FSTL5: variants seen among roughly 807,000 people sequenced by gnomAD.
FSTL5 encodes follistatin like 5.
FSTL5 carries 62 observed loss-of-function variants against 89.1 expected under a neutral mutation model. The ratio of observed to expected loss-of-function variants is 0.70; its 90% CI spans 0.57 to 0.86. The LOEUF (loss-of-function observed/expected upper bound fraction) is 0.86. Among genes scored for constraint, FSTL5 ranks in the 40% least tolerant of loss-of-function variants. The probability of loss-of-function intolerance (pLI) is 0.00; values close to 1 mark genes in which losing one functional copy is unlikely to be tolerated. For missense variants in FSTL5, 1,057 were observed against 1,001.6 expected (o/e 1.06, Z -0.75); for synonymous variants, 383 against 346.2 (o/e 1.11, Z -1.18).
At chr4:161,952,697 T>C (rs900124686) in intron 3 of FSTL5, among the ~76,000 whole-genome samples, 2 of 151,970 alleles carry the variant, frequency 1.3e-5, no homozygotes, top group South Asian at 4.1e-4. Flanking sequence ...AACAAATAGA[T>C]AAAGGATGCC....
intron 4 of FSTL5, among the ~76,000 whole-genome samples, chr4:161,891,692 T>A (rs148320773): frequency 3.9e-5 from 6 of 152,108 alleles, no homozygotes. Flanking sequence ...ATGATTGAAT[T>A]AGCAGTGGAT....
At chr4:161,947,748 G>A (rs1016546770) in intron 3 of FSTL5, among the ~76,000 whole-genome samples, 3 of 151,980 alleles carry the variant, frequency 2.0e-5, no homozygotes, top group African/African-American at 7.3e-5. Flanking sequence ...CATATTGAAA[G>A]CTCTACCAAA....
chr4:161,728,217 T>G (rs1300814274), intron 6 of FSTL5, among the ~76,000 whole-genome samples: 1 of 152,106 alleles, frequency 6.6e-6, no homozygotes, highest in African/African-American at 2.4e-5. Context: ...GGTTAGCAGC[T>G]TAAAGAACAG....
Position 162,157,270 on chromosome 4 carries a change from G to A in FSTL5, c.-17+6345C>T, listed in dbSNP as rs1223571586. 3.3e-5 allele frequency among the ~76,000 whole-genome samples: 5 copies of A among 151,924 alleles called. No individual in the cohort carries two copies. The East Asian group carries it at 9.6e-4, about 29-fold the overall frequency. ...ATTTTTAAATATTTATAAATTTTTA[G>A]ACCAAAGTAAATTGAAGGAGAATTT... is the stretch of plus-strand genomic sequence containing the variant. On this transcript the variant is annotated intron_variant, in intron 1 of 15. Transcript: ENST00000306100.
At position 161,903,283 on chromosome 4, in the gene FSTL5, C is replaced by A. The variant is rs114425537; in HGVS notation, c.409+17121G>T. ...TGTGACTGTCCCTGAGTGTTCTATT[C>A]AAATATAATTTTCATTTCCTTCTGG... On this transcript the variant is annotated intron_variant, in intron 4 of 15. Transcript: ENST00000306100. Among the ~76,000 whole-genome samples, 939 of 152,086 alleles carry A rather than the reference C, an allele frequency of 6.2e-3. 15 individuals carry two copies. The highest frequency in any genetic ancestry group is 0.022 in the African/African-American group (908 of 41,500).
intron 15 of FSTL5, among the ~76,000 whole-genome samples, chr4:161,419,019 C>T (rs997474222): frequency 2.0e-5 from 3 of 152,194 alleles, no homozygotes; most frequent in Non-Finnish European, 4.4e-5. Context: ...CTCATCATCT[C>T]ATGCATTATT....
intron 15 of FSTL5, among the ~76,000 whole-genome samples, chr4:161,448,241 A>T (rs189804485): frequency 6.6e-6 from 1 of 152,196 alleles, no homozygotes; most frequent in East Asian, 1.9e-4. Flanking sequence ...TCATCTACAA[A>T]ACATTTTTTG....
intron 13 of FSTL5, among the ~76,000 whole-genome samples, chr4:161,479,080 G>T (rs1729411075): frequency 6.6e-6 from 1 of 151,890 alleles, no homozygotes; most frequent in Admixed American, 6.6e-5. Context: ...TAATAACATG[G>T]TCATAAGGAG....
intron 7 of FSTL5, among the ~76,000 whole-genome samples, chr4:161,654,457 T>G (rs1206729346): frequency 6.6e-6 from 1 of 152,110 alleles, no homozygotes; most frequent in African/African-American, 2.4e-5. Context: ...CAAAGTATCT[T>G]AAATGCACCT....
intron 1 of FSTL5, among the ~76,000 whole-genome samples, chr4:162,143,226 T>C (rs551479825): frequency 6.6e-6 from 1 of 152,234 alleles, no homozygotes; most frequent in South Asian, 2.1e-4. Flanking sequence ...TTGTTTCTTG[T>C]AGAGATATTA....
At chr4:161,537,241 A>G (rs1276203391) in intron 10 of FSTL5, among the ~76,000 whole-genome samples, 1 of 152,110 alleles carries the variant, frequency 6.6e-6, no homozygotes, top group Non-Finnish European at 1.5e-5. Context: ...ATTCAGAAAA[A>G]TGGGCCTGTC....
intron 2 of FSTL5, among the ~76,000 whole-genome samples, chr4:162,102,593 T>C (rs1030668954): frequency 6.8e-6 from 1 of 146,384 alleles, no homozygotes; most frequent in Non-Finnish European, 1.5e-5. Flanking sequence ...AAAATAGATA[T>C]ATATTTAATA....
chr4:161,572,759 T>C (rs978711216), intron 8 of FSTL5, among the ~76,000 whole-genome samples: 1 of 152,168 alleles, frequency 6.6e-6, no homozygotes, highest in African/African-American at 2.4e-5. Context: ...AGAGAGAAGA[T>C]GTCTGCATCA....
intron 7 of FSTL5, among the ~76,000 whole-genome samples, chr4:161,623,718 G>T (rs187325147): frequency 3.2e-4 from 49 of 151,836 alleles, no homozygotes; most frequent in Middle Eastern, 3.4e-3. Flanking sequence ...TTTCTGGCAT[G>T]ATATGATACT....
intron 12 of FSTL5, among the ~76,000 whole-genome samples, chr4:161,484,184 T>C (rs1263068660): frequency 1.3e-5 from 2 of 152,292 alleles, no homozygotes; most frequent in Non-Finnish European, 1.5e-5. Flanking sequence ...ATTAGACTAA[T>C]TACCTATTAA....
At chr4:161,486,165 A>T (rs187076836) in intron 12 of FSTL5, among the ~76,000 whole-genome samples, 28,618 of 147,464 alleles carry the variant, frequency 0.19, 3,643 homozygotes, top group Non-Finnish European at 0.28. Context: ...AAAAAAAAAA[A>T]GTAAATATCT....
chr4:161,971,772 T>C (rs547975912), intron 3 of FSTL5, among the ~76,000 whole-genome samples: 12 of 152,244 alleles, frequency 7.9e-5, no homozygotes, highest in East Asian at 5.8e-4. Flanking sequence ...ATCCCCAAAA[T>C]CCAAACAAAC....
At chr4:161,828,538 AT>A (rs575542883) in intron 4 of FSTL5, among the ~76,000 whole-genome samples, 179 of 152,216 alleles carry the variant, frequency 1.2e-3, no homozygotes, top group African/African-American at 4.0e-3. Context: ...TAAGATTCAT[AT>A]TTTTTAAAGT....
chr4:161,961,767 C>A (rs1489108229), intron 3 of FSTL5, among the ~76,000 whole-genome samples: 1 of 151,568 alleles, frequency 6.6e-6, no homozygotes, highest in African/African-American at 2.4e-5. Context: ...AATTATAAAT[C>A]CTAGTTAATA....
Sources: allele counts gnomAD v4.1 joint callset (sites outside exome capture counted in the v4.1 genomes callset), GRCh38; gene constraint gnomAD v4.1.1; transcripts MANE v1.5; gene names NCBI Gene and HGNC (gene_info 2026-07-23, HGNC 2026-07-21).